TBC1D8B: variants seen among roughly 807,000 people sequenced by gnomAD.
The protein encoded by TBC1D8B is RP11-321G1.1.
Under a neutral mutation model 82.9 loss-of-function variants are expected in TBC1D8B, and 75 were observed. That is an observed-to-expected ratio of 0.90 (90% CI 0.75 to 1.10). The LOEUF (loss-of-function observed/expected upper bound fraction) is 1.10, where lower values mean the gene tolerates loss of function less well. Ranked by LOEUF, TBC1D8B falls within the 50% of genes least tolerant of loss-of-function variation. The probability of loss-of-function intolerance (pLI) is 0.00; values close to 1 mark genes in which losing one functional copy is unlikely to be tolerated. For missense variants in TBC1D8B, 794 were observed against 796.9 expected (o/e 1.00, Z 0.04); for synonymous variants, 276 against 276.8 (o/e 1.00, Z 0.03).
chrX:106,849,068 C>T (rs981362462), intron 11 of TBC1D8B, among the ~76,000 whole-genome samples: 3 of 109,031 alleles, frequency 2.8e-5, no homozygotes, highest in South Asian at 4.0e-4. Flanking sequence ...TGAGCCACCG[C>T]GCCTGGCCAA....
At chrX:106,852,614 A>G (rs1250001578) in intron 12 of TBC1D8B, among the ~76,000 whole-genome samples, 1 of 110,522 alleles carries the variant, frequency 9.0e-6, no homozygotes, top group Non-Finnish European at 1.9e-5. Context: ...GAAGGGATCC[A>G]GTTTCAGCTT....
At chrX:106,872,610 A>G (rs755086933) in intron 20 of TBC1D8B, among the ~76,000 whole-genome samples, 28 of 108,369 alleles carry the variant, frequency 2.6e-4, no homozygotes, top group South Asian at 4.0e-4. Context: ...AATTTTAACT[A>G]TATTTCTGTC....
At chrX:106,870,865 G>A (rs1422698843) in intron 20 of TBC1D8B, 52 bp downstream of exon 20, 1 of 850,444 alleles carries the variant, frequency 1.2e-6, no homozygotes, top group African/African-American at 2.1e-5. Flanking sequence ...TTGTATGGAT[G>A]TGGGTGTAAC....
rs749148459 is a variant in TBC1D8B, at chrX:106,823,370, T to A, written c.731T>A (p.Met244Lys). 2 of 1,210,514 alleles carry A rather than the reference T, an allele frequency of 1.7e-6. No individual in the cohort carries two copies. Among genetic ancestry groups the A allele is most frequent in the South Asian group, 3.5e-5 (2 of 56,939 alleles). The change falls in exon 5 of 21, where the codon ATG becomes AAG. Residue 244 changes from methionine (M) to lysine (K), a missense_variant. Met to Lys is a moderately conservative substitution (Grantham distance 95, BLOSUM62 -1). Coordinates refer to ENST00000357242, the MANE Select transcript of TBC1D8B (RefSeq NM_017752.3). Reference sequence around the variant, plus strand: ...CACATTAACCAAACATACCTTCTTATGGAACAGCTGGCAAACTATGCCATT... The same window carrying A: ...CACATTAACCAAACATACCTTCTTAAGGAACAGCTGGCAAACTATGCCATT... ...FLHINQTYLLMEQLANYAIRR... is the reference protein window; with the variant it reads ...FLHINQTYLLKEQLANYAIRR...
intron 18 of TBC1D8B, among the ~76,000 whole-genome samples, chrX:106,869,215 C>A: frequency 9.0e-6 from 1 of 111,291 alleles, no homozygotes; most frequent in Non-Finnish European, 1.9e-5. Flanking sequence ...TAAAGAAAGT[C>A]ACAAAGAAGA....
At chrX:106,862,385 G>T (rs1428871962) in intron 14 of TBC1D8B, among the ~76,000 whole-genome samples, 2 of 111,766 alleles carry the variant, frequency 1.8e-5, no homozygotes, top group African/African-American at 6.5e-5. Flanking sequence ...GGTCTATTCT[G>T]TTGTTAATGC....
chrX:106,846,530 T>G (rs1019347849), intron 10 of TBC1D8B, among the ~76,000 whole-genome samples: 1 of 111,538 alleles, frequency 9.0e-6, no homozygotes, highest in African/African-American at 3.3e-5. Flanking sequence ...AAATGCTACC[T>G]GAATTGCTGT....
intron 11 of TBC1D8B, among the ~76,000 whole-genome samples, chrX:106,848,871 G>A (rs1315625729): frequency 9.1e-6 from 1 of 109,819 alleles, no homozygotes. Flanking sequence ...CTGGGTTCAC[G>A]CCATTCTCCT....
At chrX:106,852,172 T>A (rs1932601898) in intron 12 of TBC1D8B, among the ~76,000 whole-genome samples, 1 of 104,755 alleles carries the variant, frequency 9.5e-6, no homozygotes, top group Non-Finnish European at 2.0e-5. Context: ...CCAGTGATGA[T>A]GAGCATTTTT....
Position 106,840,154 on chromosome X carries a change from G to A in TBC1D8B, c.1460G>A (p.Gly487Glu). 8.3e-7 allele frequency: 1 copy of A among 1,209,801 alleles called. No individual in the cohort carries two copies. The highest frequency in any genetic ancestry group is 1.1e-6 in the Non-Finnish European group (1 of 894,426). ...AAGACTCGAGATCTTGTTGTAAGAG[G>A]GATTCCAGAAACATTAAGAGGAGAA... ...TKKTRDLVVR[G>E]IPETLRGELW... Residue 487 changes from glycine (G) to glutamate (E), a missense_variant, in exon 9 of 21, where the codon GGG (glycine) becomes GAG (glutamate). By Grantham distance (98) the Gly-to-Glu change is moderately conservative. Coordinates refer to ENST00000357242, the MANE Select transcript of TBC1D8B (RefSeq NM_017752.3).
intron 1 of TBC1D8B, chrX:106,818,408 T>C (rs1931600054): frequency 7.7e-6 from 2 of 260,073 alleles, no homozygotes; most frequent in Non-Finnish European, 1.4e-5. Context: ...GTGCTGCAGA[T>C]ACATTTTGAG....
intron 7 of TBC1D8B, 54 bp downstream of exon 7, chrX:106,827,391 G>A (rs769045247): frequency 3.4e-6 from 4 of 1,165,004 alleles, no homozygotes; most frequent in Non-Finnish European, 4.7e-6. Flanking sequence ...TGTGTTTAGT[G>A]TAGCCCATTC....
chrX:106,868,285 A>G (rs1932826687), intron 17 of TBC1D8B, 108 bp from the exon 18 acceptor site: 1 of 396,110 alleles, frequency 2.5e-6, no homozygotes, highest in Non-Finnish European at 4.0e-6. Flanking sequence ...TCTTTCTTAT[A>G]CAGAAACTCT....
intron 6 of TBC1D8B, among the ~76,000 whole-genome samples, chrX:106,826,448 G>T (rs1931847275): frequency 9.1e-6 from 1 of 110,384 alleles, no homozygotes; most frequent in South Asian, 3.9e-4. Flanking sequence ...TATACTTTAA[G>T]TTTTAGGGTA....
At chrX:106,858,265 T>G (rs1355899033) in intron 14 of TBC1D8B, among the ~76,000 whole-genome samples, 3 of 111,545 alleles carry the variant, frequency 2.7e-5, no homozygotes, top group Admixed American at 1.9e-4. Flanking sequence ...GTTTGATTTT[T>G]GGGTTTTGTT....
intron 9 of TBC1D8B, 56 bp downstream of exon 9, chrX:106,840,254 A>G: frequency 1.8e-6 from 2 of 1,085,502 alleles, no homozygotes; most frequent in East Asian, 6.1e-5. Context: ...CCTTTCTAGG[A>G]GTTATGCCCT....
In TBC1D8B at chrX:106,850,250, A is replaced by G. The variant is rs140854756; in HGVS notation, c.2063A>G (p.Tyr688Cys). The G allele has an allele frequency of 3.6e-5, 44 of 1,209,866 alleles. No homozygotes were observed. Among genetic ancestry groups the G allele is most frequent in the Non-Finnish European group, 4.8e-5 (43 of 895,146 alleles). ...CAACTGGGATTGGCAATACTTGACTATAATTTAGACAAACTGCTGACTTGT... is the reference window on the plus strand; with the variant it reads ...CAACTGGGATTGGCAATACTTGACTGTAATTTAGACAAACTGCTGACTTGT... ...ILQLGLAILD[Y>C]NLDKLLTCKD... The change falls in exon 12 of 21, where the codon TAT becomes TGT. Residue 688 changes from tyrosine to cysteine, a missense_variant. Physicochemically the swap from Tyr to Cys is radical, Grantham distance 194. Transcript: ENST00000357242.
At chrX:106,868,817 A>G (rs1195700225) in intron 18 of TBC1D8B, among the ~76,000 whole-genome samples, 2 of 112,301 alleles carry the variant, frequency 1.8e-5, no homozygotes, top group African/African-American at 6.5e-5. Context: ...TTTTTCAAAC[A>G]GTGAATACTT....
In TBC1D8B at chrX:106,849,518, C is replaced by T. The variant is rs776057819; in HGVS notation, c.1838-507C>T. ...GGCCCTGGCTTCTCTTGATTGATAG[C>T]TGAGAACTCATCAGAGGGATCAGTG... On this transcript the variant is annotated intron_variant, in intron 11 of 20. Transcript: ENST00000357242. The T allele has an allele frequency of 3.5e-3, 3,428 of 992,152 alleles. 28 individuals carry two copies. The highest frequency in any genetic ancestry group is 2.6e-3 in the Non-Finnish European group (2,086 of 788,690). 81.8% of individuals were successfully genotyped at this position (992,152 alleles called of 1,213,427 possible).
Sources: allele counts gnomAD v4.1 joint callset (sites outside exome capture counted in the v4.1 genomes callset), GRCh38; gene constraint gnomAD v4.1.1; transcripts MANE v1.5; gene names NCBI Gene and HGNC (gene_info 2026-07-23, HGNC 2026-07-21).